Variants in MARCHF11 observed in about 807,000 individuals in gnomAD.
The protein encoded by MARCHF11 is membrane associated ring-CH-type finger 11.
In MARCHF11, 29 loss-of-function variants were observed where a neutral mutation model predicts 37.3. The observed-to-expected ratio is 0.78, with a 90% CI of 0.58 to 1.06. MARCHF11 has a LOEUF of 1.06. Among genes scored for constraint, MARCHF11 ranks in the 50% least tolerant of loss-of-function variants. MARCHF11 has a pLI of 0.00. For synonymous variants in MARCHF11, 233 were observed against 228.0 expected (o/e 1.02, Z -0.20); for missense variants, 482 against 533.4 (o/e 0.90, Z 0.95).
At chr5:16,142,526 A>G (rs951699176) in intron 2 of MARCHF11, among the ~76,000 whole-genome samples, 1 of 152,028 alleles carries the variant, frequency 6.6e-6, no homozygotes, top group Non-Finnish European at 1.5e-5. Context: ...AAGGAATCAA[A>G]CTACCTGCAA....
chr5:16,179,356 G>A lies in MARCHF11; in HGVS notation c.220C>T (p.Pro74Ser). The A allele has an allele frequency of 5.1e-6, 6 of 1,181,020 alleles. No homozygotes were observed. The highest frequency in any genetic ancestry group is 5.2e-6 in the Non-Finnish European group (5 of 956,042). 73.2% of individuals were successfully genotyped at this position (1,181,020 alleles called of 1,614,324 possible). Reference sequence around the variant, plus strand: ...AGCTCGTCCGCTCCCCTGCACCGCGGGGCCACCTCCCCTAGCGGCTCGCTT... The same window carrying A: ...AGCTCGTCCGCTCCCCTGCACCGCGAGGCCACCTCCCCTAGCGGCTCGCTT... Reference protein sequence around the residue: ...GPSEPLGEVAPRCRGADELPP... With the variant: ...GPSEPLGEVASRCRGADELPP... Residue 74 changes from proline to serine, a missense_variant, in exon 1 of 4, where the codon CCG becomes TCG. Coordinates refer to ENST00000332432, the MANE Select transcript of MARCHF11 (RefSeq NM_001102562.3).
intron 2 of MARCHF11, among the ~76,000 whole-genome samples, chr5:16,108,637 T>C (rs1161500718): frequency 1.3e-5 from 2 of 151,972 alleles, no homozygotes; most frequent in African/African-American, 4.8e-5. Context: ...CCAGCTGGCC[T>C]GGGGCAGGGG....
chr5:16,076,135 T>A (rs1736512982), intron 3 of MARCHF11, among the ~76,000 whole-genome samples: 1 of 152,240 alleles, frequency 6.6e-6, no homozygotes, highest in Non-Finnish European at 1.5e-5. Context: ...AATGAATCAA[T>A]CATTTAACTG....
At chr5:16,165,428 T>C (rs1021880504) in intron 2 of MARCHF11, among the ~76,000 whole-genome samples, 1 of 152,116 alleles carries the variant, frequency 6.6e-6, no homozygotes, top group African/African-American at 2.4e-5. Flanking sequence ...CTAAGCTCCA[T>C]ACTTAGTTCT....
chr5:16,103,033 T>G (rs1383675204), intron 2 of MARCHF11, among the ~76,000 whole-genome samples: 1 of 151,384 alleles, frequency 6.6e-6, no homozygotes, highest in Non-Finnish European at 1.5e-5. Context: ...ATAAATGTAT[T>G]CATTCAACAT....
intron 3 of MARCHF11, among the ~76,000 whole-genome samples, chr5:16,083,646 C>G (rs1736648621): frequency 6.6e-6 from 1 of 152,042 alleles, no homozygotes; most frequent in Admixed American, 6.5e-5. Context: ...AAGTTTTTAA[C>G]CTAAAATAAT....
intron 3 of MARCHF11, among the ~76,000 whole-genome samples, chr5:16,071,209 G>A (rs774864763): frequency 6.6e-6 from 1 of 152,176 alleles, no homozygotes; most frequent in Non-Finnish European, 1.5e-5. Flanking sequence ...TACATGAAGC[G>A]AAAAGCAATG....
At chr5:16,157,362 C>T (rs900432218) in intron 2 of MARCHF11, among the ~76,000 whole-genome samples, 2 of 151,774 alleles carry the variant, frequency 1.3e-5, no homozygotes, top group African/African-American at 2.4e-5. Context: ...TGTATGGAAC[C>T]ATCAAAGACC....
chr5:16,130,251 TACACACAC>T lies in MARCHF11; in HGVS notation c.694-39178_694-39171del, dbSNP rs56978661. On this transcript the variant is annotated intron_variant, in intron 2 of 3. Transcript: ENST00000332432. ...TAAAAGACCGTAAATTCCAGGTACA[TACACACAC>T]ACACACACACACACACACACACAAA... is the stretch of plus-strand genomic sequence containing the variant. Among the ~76,000 whole-genome samples the T allele has an allele frequency of 1.8e-4, 26 of 144,366 alleles. No homozygotes were observed. In the East Asian group the frequency reaches 4.4e-3, roughly 25 times the overall value. The allele number at this position is 144,366 out of a possible 152,430, so 94.7% of individuals were successfully genotyped here.
chr5:16,131,981 G>T (rs1380308768), intron 2 of MARCHF11, among the ~76,000 whole-genome samples: 1 of 152,208 alleles, frequency 6.6e-6, no homozygotes, highest in African/African-American at 2.4e-5. Flanking sequence ...AAGCAGTGAA[G>T]AAGCCACTGA....
At chr5:16,167,980 C>T (rs1738198678) in intron 2 of MARCHF11, among the ~76,000 whole-genome samples, 1 of 152,064 alleles carries the variant, frequency 6.6e-6, no homozygotes, top group Non-Finnish European at 1.5e-5. Flanking sequence ...ACCTGTAGAA[C>T]ATGAGTAAAA....
intron 2 of MARCHF11, among the ~76,000 whole-genome samples, chr5:16,156,906 A>G (rs1349170631): frequency 6.6e-6 from 1 of 151,900 alleles, no homozygotes; most frequent in Admixed American, 6.6e-5. Flanking sequence ...AAAATACAGT[A>G]TTATGCTCTT....
At chr5:16,168,409 G>T (rs913903079) in intron 2 of MARCHF11, among the ~76,000 whole-genome samples, 1 of 152,042 alleles carries the variant, frequency 6.6e-6, no homozygotes, top group Admixed American at 6.6e-5. Context: ...TGTTGGCTTC[G>T]CATGTTTTAA....
intron 2 of MARCHF11, among the ~76,000 whole-genome samples, chr5:16,170,985 T>C (rs1030441764): frequency 6.6e-5 from 10 of 152,134 alleles, no homozygotes; most frequent in African/African-American, 2.4e-4. Context: ...CACTCCTGAC[T>C]TAACCAAAGC....
intron 2 of MARCHF11, among the ~76,000 whole-genome samples, chr5:16,162,818 AT>A (rs1738104074): frequency 6.6e-6 from 1 of 152,088 alleles, no homozygotes; most frequent in South Asian, 2.1e-4. Flanking sequence ...AATTTTATGT[AT>A]TGCAAGTCCT....
rs75362511 is a variant in MARCHF11, at chr5:16,144,710, G to A, written c.693+33016C>T. On this transcript the variant is annotated intron_variant, in intron 2 of 3. Coordinates refer to ENST00000332432, the MANE Select transcript of MARCHF11 (RefSeq NM_001102562.3). Reference sequence around the variant, plus strand: ...ATACCAAAATGTATTAGCCAAGTGAGGAAGTCATAGTACCAAAGTAAGTAT... The same window carrying A: ...ATACCAAAATGTATTAGCCAAGTGAAGAAGTCATAGTACCAAAGTAAGTAT... Among the ~76,000 whole-genome samples, 1,376 of 152,270 alleles carry A rather than the reference G, an allele frequency of 9.0e-3. 20 individuals are homozygous for A. Among genetic ancestry groups the A allele is most frequent in the Middle Eastern group, 0.037 (11 of 294 alleles).
intron 2 of MARCHF11, among the ~76,000 whole-genome samples, chr5:16,111,299 G>C (rs1211352866): frequency 6.6e-6 from 1 of 152,212 alleles, no homozygotes; most frequent in Non-Finnish European, 1.5e-5. Flanking sequence ...ACTTCCTAGA[G>C]ACTTGTTGAA....
chr5:16,176,316 TC>T (rs1275450043), intron 2 of MARCHF11, among the ~76,000 whole-genome samples: 3 of 152,194 alleles, frequency 2.0e-5, no homozygotes, highest in East Asian at 3.9e-4. Context: ...TTTCTTATTT[TC>T]CCACATACTT....
intron 2 of MARCHF11, among the ~76,000 whole-genome samples, chr5:16,110,556 TA>T (rs1737119888): frequency 6.6e-6 from 1 of 152,226 alleles, no homozygotes; most frequent in South Asian, 2.1e-4. Flanking sequence ...AGGTTTCTTT[TA>T]AATATGTTTT....
Sources: allele counts gnomAD v4.1 joint callset (sites outside exome capture counted in the v4.1 genomes callset), GRCh38; gene constraint gnomAD v4.1.1; transcripts MANE v1.5; gene names NCBI Gene and HGNC (gene_info 2026-07-23, HGNC 2026-07-21).